The following ZNF496 variants were observed in gnomAD, a reference collection of about 807,000 sequenced individuals.
ZNF496 encodes the protein zinc finger protein 496.
A neutral mutation model predicts 58.9 loss-of-function variants in ZNF496; 11 were observed. The ratio of observed to expected loss-of-function variants is 0.19; its 90% CI spans 0.12 to 0.31. The LOEUF is 0.31. Among genes scored for constraint, ZNF496 ranks in the 10% least tolerant of loss-of-function variants. The pLI is 1.00. For synonymous variants in ZNF496, 338 were observed against 318.2 expected, an observed-to-expected ratio of 1.06 and a Z score of -0.66; for missense variants, 660 against 783.0, an observed-to-expected ratio of 0.84 and a Z score of 1.88.
In ZNF496 at chr1:247,315,494, T is replaced by C. The variant is rs190700523; in HGVS notation, c.652-5038A>G. Among the ~76,000 whole-genome samples the C allele has an allele frequency of 2.5e-3, 387 of 152,312 alleles. 1 individual carries two copies. Among genetic ancestry groups the C allele is most frequent in the Non-Finnish European group, 3.7e-3 (252 of 68,020 alleles). Reference sequence around the variant, plus strand: ...CGATGCTGGATCATTATTGTTTTAATGTGAAATTTCCTCAATGTGATAACT... The same window carrying C: ...CGATGCTGGATCATTATTGTTTTAACGTGAAATTTCCTCAATGTGATAACT... On this transcript the variant is annotated intron_variant, in intron 6 of 9. Coordinates refer to ENST00000682384, the MANE Select transcript of ZNF496 (RefSeq NM_032752.3).
At chr1:247,317,907 G>C (rs1659836454) in intron 6 of ZNF496, among the ~76,000 whole-genome samples, 1 of 152,188 alleles carries the variant, frequency 6.6e-6, no homozygotes, top group Non-Finnish European at 1.5e-5. Context: ...TCAGGTGACA[G>C]ATACGTTAGA....
At chr1:247,318,906 G>A (rs144588138) in intron 6 of ZNF496, among the ~76,000 whole-genome samples, 1 of 149,394 alleles carries the variant, frequency 6.7e-6, no homozygotes, top group African/African-American at 2.5e-5. Flanking sequence ...CTAAATGTAT[G>A]TAGAGGAAAT....
intron 9 of ZNF496, among the ~76,000 whole-genome samples, chr1:247,304,520 T>C (rs1229197320): frequency 2.0e-5 from 3 of 152,108 alleles, no homozygotes; most frequent in Non-Finnish European, 4.4e-5. Context: ...TACAGGTGTG[T>C]GCCACCACGT....
At chr1:247,319,863 C>T (rs937494274) in intron 6 of ZNF496, among the ~76,000 whole-genome samples, 1 of 152,086 alleles carries the variant, frequency 6.6e-6, no homozygotes, top group African/African-American at 2.4e-5. Flanking sequence ...ATGGGGGCTC[C>T]AGTGAGCTGA....
At chr1:247,302,557 A>C (rs1404406196) in intron 9 of ZNF496, among the ~76,000 whole-genome samples, 9 of 152,090 alleles carry the variant, frequency 5.9e-5, no homozygotes, top group Non-Finnish European at 2.9e-5. Flanking sequence ...TCCTGGGCTC[A>C]AGCGAGCCAC....
chr1:247,326,501 C>T (rs1660132747), intron 5 of ZNF496, among the ~76,000 whole-genome samples: 2 of 152,104 alleles, frequency 1.3e-5, no homozygotes, highest in Admixed American at 1.3e-4. Flanking sequence ...TACTGTAGTT[C>T]CTGAAACTTC....
Position 247,301,017 on chromosome 1 carries a change from G to C in ZNF496, c.1266C>G (p.Ile422Met), listed in dbSNP as rs1659220256. Residue 422 changes from isoleucine to methionine, a missense_variant, in exon 10 of 10, where the codon ATC (isoleucine) becomes ATG (methionine). Physicochemically the swap from Ile to Met is conservative, Grantham distance 10 (BLOSUM62 1). Coordinates refer to ENST00000682384, the MANE Select transcript of ZNF496 (RefSeq NM_032752.3). The part of the protein sequence containing the change: ...GKIFRWRVNF[I>M]RHLRSRREQE... ...GCTCCCTGCGGCTCCGCAGATGCCG[G>C]ATGAAGTTGACCCTCCAGCGGAAGA... is the stretch of plus-strand genomic sequence containing the variant. The C allele has an allele frequency of 2.5e-6, 4 of 1,613,646 alleles. No homozygotes were observed. The highest frequency in any genetic ancestry group is 1.3e-5 in the African/African-American group (1 of 74,952).
chr1:247,318,525 G>A (rs1467655208), intron 6 of ZNF496, among the ~76,000 whole-genome samples: 1 of 152,218 alleles, frequency 6.6e-6, no homozygotes, highest in South Asian at 2.1e-4. Context: ...CAGGGAAAAA[G>A]TTTTTGAATG....
chr1:247,301,798 C>T (rs778445736), intron 9 of ZNF496, among the ~76,000 whole-genome samples: 4 of 152,182 alleles, frequency 2.6e-5, no homozygotes, highest in Non-Finnish European at 4.4e-5. Flanking sequence ...GGACGCAACC[C>T]GATGACCTAT....
chr1:247,309,592 A>G lies in ZNF496; in HGVS notation c.892+107T>C. On this transcript the variant is annotated intron_variant, in intron 8 of 9. Transcript: ENST00000682384. This position sits in a 1 kb window ranked among gnomAD's most constrained non-coding sequence, Gnocchi z 4.3. Reference sequence around the variant, plus strand: ...ACCCACATAGAGTCTGGGGAAATGAAGAAGGCAATTAGGGGCCGCAGAGAG... The same window carrying G: ...ACCCACATAGAGTCTGGGGAAATGAGGAAGGCAATTAGGGGCCGCAGAGAG... 6.7e-7 allele frequency: 1 copy of G among 1,503,600 alleles called. No homozygotes were observed. The highest frequency in any genetic ancestry group is 8.9e-7 in the Non-Finnish European group (1 of 1,125,150). The allele number at this position is 1,503,600 out of a possible 1,614,324, so 93.1% of individuals were successfully genotyped here.
At position 247,300,846 on chromosome 1, in the gene ZNF496, G is replaced by A. The variant is rs200003336; in HGVS notation, c.1437C>T (p.Leu479=). The change falls in exon 10 of 10, where the codon CTC becomes CTT. Residue 479 remains leucine (L), a synonymous_variant. Coordinates refer to ENST00000682384, the MANE Select transcript of ZNF496 (RefSeq NM_032752.3). This position sits in a 1 kb window ranked among gnomAD's most constrained non-coding sequence, Gnocchi z 5.7. ...GCTGCAGGTGTATCCGCCGGTGGGA[G>A]AGCAGGTGGGAGTTCAGGCGGAAGC... ...GKSFRLNSHL[L]SHRRIHLQPD... 4.9e-5 allele frequency: 79 copies of A among 1,610,526 alleles called. No homozygotes were observed. In the Admixed American group the frequency reaches 1.3e-3, roughly 26 times the overall value.
intron 9 of ZNF496, chr1:247,304,166 A>G: frequency 3.5e-6 from 1 of 287,420 alleles, no homozygotes; most frequent in Non-Finnish European, 7.0e-6. Context: ...CCTTCAAGAA[A>G]AGGGAAGAAT....
chr1:247,304,011 C>T (rs748782375), intron 9 of ZNF496: 6 of 417,694 alleles, frequency 1.4e-5, no homozygotes, highest in South Asian at 1.0e-4. Flanking sequence ...GCATGGAGGG[C>T]AGGGTTTCTG....
At position 247,329,246 on chromosome 1, in the gene ZNF496, C is replaced by T. The variant is rs142166721; in HGVS notation, c.333G>A (p.Glu111=). The T allele has an allele frequency of 1.1e-5, 18 of 1,613,526 alleles. No homozygotes were observed. The highest frequency in any genetic ancestry group is 1.5e-5 in the Non-Finnish European group (18 of 1,180,042). Residue 111 remains glutamate, a synonymous_variant, in exon 4 of 10, where the codon GAG becomes GAA. Coordinates refer to ENST00000682384, the MANE Select transcript of ZNF496 (RefSeq NM_032752.3). This position sits in a 1 kb window ranked among gnomAD's most constrained non-coding sequence, Gnocchi z 5.5. ...WVRAQEPESG[E]QAVAAVEALE... ...GTGCCTCCACCGCGGCCACAGCCTG[C>T]TCTCCGCTCTCAGGCTCCTGCGCCC...
At position 247,300,528 on chromosome 1, in the gene ZNF496, G is replaced by T; in HGVS notation, c.1755C>A (p.Asn585Lys). ...HMKRRSKQALNSY is the reference protein window; with the variant it reads ...HMKRRSKQALKSY ...CCCCAGGCGGAGAGGCTCAGTAGGA[G>T]TTCAGAGCCTGCTTGGAACGGCGCT... Residue 585 changes from asparagine to lysine, a missense_variant, in exon 10 of 10, where the codon AAC becomes AAA. Asn to Lys is a moderately conservative substitution (Grantham distance 94, BLOSUM62 0). Transcript: ENST00000682384. This position sits in a 1 kb window ranked among gnomAD's most constrained non-coding sequence, Gnocchi z 5.7. 6.2e-7 allele frequency: 1 copy of T among 1,607,068 alleles called. No individual in the cohort carries two copies.
At chr1:247,318,849 A>G (rs1486289914) in intron 6 of ZNF496, among the ~76,000 whole-genome samples, 1 of 152,246 alleles carries the variant, frequency 6.6e-6, no homozygotes, top group Non-Finnish European at 1.5e-5. Context: ...TTTTCTGAAT[A>G]ATGTTTGACA....
In ZNF496 at chr1:247,329,536, T is replaced by C; in HGVS notation, c.43A>G (p.Ser15Gly). 1 of 1,574,322 alleles carries C rather than the reference T, an allele frequency of 6.4e-7. No individual in the cohort carries two copies. Among genetic ancestry groups the C allele is most frequent in the Non-Finnish European group, 8.6e-7 (1 of 1,165,924 alleles). The change falls in exon 4 of 10, where the codon AGT becomes GGT. Residue 15 changes from serine to glycine, a missense_variant. By Grantham distance (56) the Ser-to-Gly change is moderately conservative. Coordinates refer to ENST00000682384, the MANE Select transcript of ZNF496 (RefSeq NM_032752.3). This position sits in a 1 kb window ranked among gnomAD's most constrained non-coding sequence, Gnocchi z 5.5. The part of the protein sequence containing the change: ...LCPRVLAPKE[S>G]EEPRKMRSPP... ...CTCCTCATTTTCCTGGGCTCCTCAC[T>C]TTCCTTCGGAGCCAAGACTCGGGGG... is the stretch of plus-strand genomic sequence containing the variant.
In ZNF496 at chr1:247,308,863, T is replaced by TCC; in HGVS notation, c.893-277_893-276dup. The TCC allele has an allele frequency of 2.4e-6, 1 of 408,290 alleles. No homozygotes were observed. Among genetic ancestry groups the TCC allele is most frequent in the Non-Finnish European group, 4.6e-6 (1 of 216,858 alleles). 25.3% of individuals were successfully genotyped at this position (408,290 alleles called of 1,614,324 possible). On this transcript the variant is annotated intron_variant, in intron 8 of 9. Coordinates refer to ENST00000682384, the MANE Select transcript of ZNF496 (RefSeq NM_032752.3). This position sits in a 1 kb window ranked among gnomAD's most constrained non-coding sequence, Gnocchi z 4.5. ...CACTCTATGGCCAGAGACAAGCACT[T>TCC]CCCCCAGCCCCATATTTATTCCCAC...
intron 6 of ZNF496, among the ~76,000 whole-genome samples, chr1:247,314,148 C>A (rs928548436): frequency 1.3e-5 from 2 of 152,204 alleles, no homozygotes; most frequent in Admixed American, 1.3e-4. Context: ...CAGCCTCAAC[C>A]TTTGGGGCTC....
Sources: allele counts gnomAD v4.1 joint callset (sites outside exome capture counted in the v4.1 genomes callset), GRCh38; gene constraint gnomAD v4.1.1; non-coding constraint Gnocchi (gnomAD v3.1); transcripts MANE v1.5; gene names NCBI Gene and HGNC (gene_info 2026-07-23, HGNC 2026-07-21).